Variants in DNMBP observed in about 807,000 individuals in gnomAD.
DNMBP encodes dynamin binding protein.
A neutral mutation model predicts 150.0 loss-of-function variants in DNMBP; 87 were observed. That is an observed-to-expected ratio of 0.58 (90% CI 0.49 to 0.69). The LOEUF (loss-of-function observed/expected upper bound fraction) is 0.69, where lower values mean the gene tolerates loss of function less well. Among genes scored for constraint, DNMBP ranks in the 30% least tolerant of loss-of-function variants. The pLI is 0.00. For missense variants in DNMBP, 1,774 were observed against 1,949.0 expected (o/e 0.91, Z 1.69); for synonymous variants, 711 against 750.4 (o/e 0.95, Z 0.86).
intron 5 of DNMBP, 39 bp from the exon 6 acceptor site, chr10:99,908,133 G>C (rs772852701): frequency 7.9e-6 from 11 of 1,396,072 alleles, no homozygotes; most frequent in Non-Finnish European, 1.1e-5. Context: ...GCACGGAAAT[G>C]AGCTTAATGG....
chr10:99,930,497 C>T, intron 4 of DNMBP: 1 of 703,004 alleles, frequency 1.4e-6, no homozygotes. Context: ...ACACACAGCC[C>T]TTTCCACTTT....
intron 4 of DNMBP, chr10:99,930,922 G>A: frequency 1.9e-6 from 1 of 517,424 alleles, no homozygotes; most frequent in Non-Finnish European, 3.4e-6. Flanking sequence ...GGAGCGCAGT[G>A]AGATGTGGAG....
rs11815313 is a variant in DNMBP, at chr10:100,001,990, G to A, written c.-11+7848C>T. Among the ~76,000 whole-genome samples, 1,006 of 152,262 alleles carry A rather than the reference G, an allele frequency of 6.6e-3. 10 individuals carry two copies. Among genetic ancestry groups the A allele is most frequent in the African/African-American group, 0.023 (965 of 41,554 alleles). ...TCAGGCATAAACTGTTCCAAGAGAG[G>A]AGCAAGCTATCACCCCACTGCTACA... On this transcript the variant is annotated intron_variant, in intron 1 of 16. Transcript: ENST00000324109.
At chr10:99,975,862 T>C (rs2040723393) in intron 1 of DNMBP, among the ~76,000 whole-genome samples, 1 of 152,198 alleles carries the variant, frequency 6.6e-6, no homozygotes, top group South Asian at 2.1e-4. Flanking sequence ...ATCAAGACTA[T>C]TATAGTTATA....
intron 4 of DNMBP, among the ~76,000 whole-genome samples, chr10:99,951,722 T>C (rs1463971425): frequency 3.3e-5 from 5 of 152,250 alleles, no homozygotes; most frequent in Admixed American, 1.3e-4. Context: ...CCAATGCCTG[T>C]ATCCCCATTG....
chr10:99,996,854 A>C (rs1023556746), intron 1 of DNMBP, among the ~76,000 whole-genome samples: 2 of 152,230 alleles, frequency 1.3e-5, no homozygotes, highest in Non-Finnish European at 2.9e-5. Context: ...GAACTATCAC[A>C]GCTGACTAGA....
At chr10:99,896,585 C>T (rs2039659871) in intron 9 of DNMBP, 188 bp from the exon 10 acceptor site, 2 of 585,126 alleles carry the variant, frequency 3.4e-6, no homozygotes, top group East Asian at 3.1e-5. Context: ...AATGGGCAGC[C>T]AGGAGAGGGG....
intron 5 of DNMBP, 91 bp from the exon 6 acceptor site, chr10:99,908,185 A>C: frequency 2.1e-6 from 2 of 934,742 alleles, no homozygotes; most frequent in Non-Finnish European, 1.7e-6. Flanking sequence ...GAATTGTAGA[A>C]AAATTGCTCA....
chr10:99,986,188 C>A (rs1025348371), intron 1 of DNMBP, among the ~76,000 whole-genome samples: 3 of 152,114 alleles, frequency 2.0e-5, no homozygotes, highest in African/African-American at 7.2e-5. Flanking sequence ...TCTTGACCCA[C>A]ATTAATTTAT....
At chr10:99,930,212 A>C in intron 4 of DNMBP, 1 of 703,010 alleles carries the variant, frequency 1.4e-6, no homozygotes, top group South Asian at 1.5e-5. Flanking sequence ...GATTATGGTT[A>C]ACATTCTCAT....
At chr10:99,964,363 C>T (rs1487731969) in intron 3 of DNMBP, among the ~76,000 whole-genome samples, 6 of 151,584 alleles carry the variant, frequency 4.0e-5, no homozygotes, top group Non-Finnish European at 5.9e-5. Flanking sequence ...ACCTCGTGAT[C>T]CACCCGCCTC....
chr10:100,001,233 TAAAAAAAA>T (rs71009800), intron 1 of DNMBP, among the ~76,000 whole-genome samples: 3 of 21,732 alleles, frequency 1.4e-4, no homozygotes, highest in Admixed American at 6.2e-4. Flanking sequence ...TCCGTCTCAT[TAAAAAAAA>T]AAAAAAAAAA....
intron 6 of DNMBP, among the ~76,000 whole-genome samples, chr10:99,904,347 C>T (rs61872240): frequency 0.031 from 4,774 of 152,080 alleles, 79 homozygotes; most frequent in South Asian, 0.079. Flanking sequence ...TAGCTCTCGG[C>T]GGGATGTGTT....
chr10:99,988,387 G>C (rs189860431), intron 1 of DNMBP, among the ~76,000 whole-genome samples: 2 of 152,190 alleles, frequency 1.3e-5, no homozygotes, highest in African/African-American at 2.4e-5. Flanking sequence ...GTTCGTGCCT[G>C]GCCCACTGGG....
Position 99,919,765 on chromosome 10 carries a change from C to T in DNMBP, c.2261-10619G>A, listed in dbSNP as rs560603937. ...TGGTGCCACGGCACTACAGCTTGGG[C>T]GACAGAGGAAGACTCCATCTGGGAG... is the stretch of plus-strand genomic sequence containing the variant. On this transcript the variant is annotated intron_variant, in intron 4 of 16. Coordinates refer to ENST00000324109, the MANE Select transcript of DNMBP (RefSeq NM_015221.4). 3.3e-4 allele frequency among the ~76,000 whole-genome samples: 50 copies of T among 152,242 alleles called. No homozygotes were observed. In the South Asian group the frequency reaches 1.0e-2, roughly 30 times the overall value.
At chr10:99,916,460 T>C (rs2039966147) in intron 4 of DNMBP, among the ~76,000 whole-genome samples, 1 of 152,068 alleles carries the variant, frequency 6.6e-6, no homozygotes, top group Non-Finnish European at 1.5e-5. Flanking sequence ...AATAAATAAG[T>C]AAATCCCTCA....
At chr10:99,891,666 G>A (rs566078810) in intron 11 of DNMBP, among the ~76,000 whole-genome samples, 22 of 150,222 alleles carry the variant, frequency 1.5e-4, no homozygotes, top group African/African-American at 5.2e-4. Flanking sequence ...CCTCTGCCTG[G>A]CTGCCCAGTC....
intron 1 of DNMBP, among the ~76,000 whole-genome samples, chr10:100,007,275 A>G (rs2041084191): frequency 2.0e-5 from 3 of 152,246 alleles, no homozygotes; most frequent in South Asian, 4.1e-4. Context: ...TCATTCACAT[A>G]TTTGTCTGTT....
chr10:99,879,673 T>G, intron 16 of DNMBP, 138 bp downstream of exon 16: 1 of 1,431,586 alleles, frequency 7.0e-7, no homozygotes. Flanking sequence ...ATTCCTTGTG[T>G]GCTTGAAAGG....
Sources: allele counts gnomAD v4.1 joint callset (sites outside exome capture counted in the v4.1 genomes callset), GRCh38; gene constraint gnomAD v4.1.1; transcripts MANE v1.5; gene names NCBI Gene and HGNC (gene_info 2026-07-23, HGNC 2026-07-21).